Variants in MYO5B observed in about 807,000 individuals in gnomAD.
The protein encoded by MYO5B is myosin VB, also known as unconventional myosin-Vb.
A neutral mutation model predicts 229.3 loss-of-function variants in MYO5B; 143 were observed. That is an observed-to-expected ratio of 0.62 (90% CI 0.54 to 0.72). The LOEUF (loss-of-function observed/expected upper bound fraction) is 0.72. MYO5B is among the 30% of genes least tolerant of loss of function. The probability of loss-of-function intolerance (pLI) is 0.00; values close to 1 mark genes in which losing one functional copy is unlikely to be tolerated. For missense variants in MYO5B, 2,321 were observed against 2,331.0 expected, an observed-to-expected ratio of 1.00 and a Z score of 0.09; for synonymous variants, 918 against 885.2, an observed-to-expected ratio of 1.04 and a Z score of -0.66.
intron 1 of MYO5B, among the ~76,000 whole-genome samples, chr18:50,104,264 T>TTATATATATATA (rs1568107895): frequency 1.4e-5 from 1 of 71,430 alleles, no homozygotes; most frequent in Non-Finnish European, 2.6e-5. Context: ...GATCTATACA[T>TTATATATATATA]GATATATATA....
chr18:50,160,489 C>T (rs990180781), intron 1 of MYO5B, among the ~76,000 whole-genome samples: 2 of 152,204 alleles, frequency 1.3e-5, no homozygotes, highest in Admixed American at 1.3e-4. Context: ...CAAGAACAGA[C>T]ATTTTAACTG....
At chr18:49,867,979 A>T (rs931963194) in intron 27 of MYO5B, among the ~76,000 whole-genome samples, 5 of 152,228 alleles carry the variant, frequency 3.3e-5, no homozygotes, top group Admixed American at 2.0e-4. Flanking sequence ...ACATGAGAGT[A>T]TATTCATCAG....
At chr18:49,875,087 G>A (rs941226007) in intron 26 of MYO5B, among the ~76,000 whole-genome samples, 34 of 152,170 alleles carry the variant, frequency 2.2e-4, no homozygotes, top group African/African-American at 7.7e-4. Context: ...TACCTACTAC[G>A]TGCCTGGCAC....
chr18:50,132,038 G>T (rs1333239976), intron 1 of MYO5B, among the ~76,000 whole-genome samples: 3 of 152,142 alleles, frequency 2.0e-5, no homozygotes, highest in African/African-American at 7.2e-5. Context: ...ATTGAAAGGG[G>T]CTCCTGCTTC....
intron 1 of MYO5B, among the ~76,000 whole-genome samples, chr18:50,148,828 A>G (rs1484192898): frequency 2.6e-5 from 4 of 152,120 alleles, no homozygotes; most frequent in East Asian, 1.9e-4. Flanking sequence ...TGGAAGTTCT[A>G]GCCAGGGCAA....
At chr18:49,925,655 T>A (rs1234752665) in intron 17 of MYO5B, among the ~76,000 whole-genome samples, 1 of 152,190 alleles carries the variant, frequency 6.6e-6, no homozygotes, top group East Asian at 1.9e-4. Context: ...CCTGGAAGAC[T>A]GGCAGATACA....
chr18:50,043,237 AAT>A (rs1243510553), intron 2 of MYO5B, among the ~76,000 whole-genome samples: 4 of 136,434 alleles, frequency 2.9e-5, no homozygotes, highest in African/African-American at 1.1e-4. Flanking sequence ...TATATACACA[AAT>A]ATATATATAC....
intron 4 of MYO5B, among the ~76,000 whole-genome samples, chr18:50,032,363 C>T (rs993321345): frequency 3.3e-5 from 5 of 152,200 alleles, no homozygotes; most frequent in Non-Finnish European, 5.9e-5. Context: ...AGAAATCATG[C>T]TTCATTTTGC....
chr18:50,088,292 C>T (rs1215468080), intron 1 of MYO5B, among the ~76,000 whole-genome samples: 1 of 152,130 alleles, frequency 6.6e-6, no homozygotes, highest in African/African-American at 2.4e-5. Flanking sequence ...GTTTCCGAAA[C>T]AGACAAAGGT....
At chr18:50,155,688 T>C (rs1245895597) in intron 1 of MYO5B, among the ~76,000 whole-genome samples, 1 of 152,220 alleles carries the variant, frequency 6.6e-6, no homozygotes, top group East Asian at 1.9e-4. Flanking sequence ...AGGAAAAAGC[T>C]AAGTGTGTTC....
At chr18:50,054,014 C>G (rs114361672) in intron 2 of MYO5B, among the ~76,000 whole-genome samples, 1 of 152,180 alleles carries the variant, frequency 6.6e-6, no homozygotes, top group South Asian at 2.1e-4. Flanking sequence ...TCTCCCCCAC[C>G]GTAAAGCCTG....
Position 49,864,205 on chromosome 18 carries a change from T to C in MYO5B, c.3779A>G (p.Glu1260Gly). The part of the protein sequence containing the change: ...AHEELEVRKE[E>G]VLILRTQIVS... ...GATCTGGGTCCTGAGGATGAGCACC[T>C]CCTCCTTGCGCACCTCGAGCTCCTC... Residue 1260 changes from glutamate to glycine, a missense_variant, in exon 28 of 40, where the codon GAG becomes GGG. By Grantham distance (98) the Glu-to-Gly change is moderately conservative (BLOSUM62 -2). Coordinates refer to ENST00000285039, the MANE Select transcript of MYO5B (RefSeq NM_001080467.3). The C allele has an allele frequency of 1.2e-6, 2 of 1,613,620 alleles. No homozygotes were observed. The highest frequency in any genetic ancestry group is 1.7e-6 in the Non-Finnish European group (2 of 1,180,020).
intron 4 of MYO5B, among the ~76,000 whole-genome samples, chr18:50,031,392 C>T (rs899667969): frequency 6.6e-6 from 1 of 152,104 alleles, no homozygotes; most frequent in African/African-American, 2.4e-5. Flanking sequence ...ATACAGCATC[C>T]GAAAGTCTCT....
intron 14 of MYO5B, among the ~76,000 whole-genome samples, chr18:49,940,179 T>C (rs1454406978): frequency 6.6e-6 from 1 of 152,210 alleles, no homozygotes; most frequent in Non-Finnish European, 1.5e-5. Context: ...CTATTCTAGG[T>C]GAATTCAAAA....
At chr18:49,988,327 T>A (rs2025893692) in intron 7 of MYO5B, among the ~76,000 whole-genome samples, 1 of 152,204 alleles carries the variant, frequency 6.6e-6, no homozygotes, top group South Asian at 2.1e-4. Flanking sequence ...GAGGACAGCC[T>A]GACACCAGAG....
chr18:49,862,144 C>T (rs1401595962), intron 29 of MYO5B, among the ~76,000 whole-genome samples: 1 of 151,732 alleles, frequency 6.6e-6, no homozygotes, highest in African/African-American at 2.4e-5. Context: ...ATTACAGGCA[C>T]CCGCCACTAC....
At chr18:50,028,918 TTAA>T (rs2026360186) in intron 4 of MYO5B, among the ~76,000 whole-genome samples, 1 of 152,214 alleles carries the variant, frequency 6.6e-6, no homozygotes, top group South Asian at 2.1e-4. Context: ...TATGCAACTG[TTAA>T]TAATATTTAT....
At chr18:50,077,211 A>G (rs2031104041) in intron 1 of MYO5B, among the ~76,000 whole-genome samples, 1 of 148,336 alleles carries the variant, frequency 6.7e-6, no homozygotes, top group African/African-American at 2.5e-5. Flanking sequence ...TACATCAGTG[A>G]CTTGAATTCT....
intron 4 of MYO5B, among the ~76,000 whole-genome samples, chr18:50,003,991 T>G (rs2026074765): frequency 6.6e-6 from 1 of 152,238 alleles, no homozygotes; most frequent in Non-Finnish European, 1.5e-5. Flanking sequence ...GGAGACCCAG[T>G]TGACAGGTTA....
Sources: gnomAD v4.1 joint callset for allele counts (sites outside exome capture counted in the v4.1 genomes callset) on GRCh38, gnomAD v4.1.1 for gene constraint, MANE v1.5 for transcripts, NCBI Gene and HGNC (gene_info 2026-07-23, HGNC 2026-07-21) for gene names.